The following ATXN1 variants were observed in gnomAD, a reference collection of about 807,000 sequenced individuals.
ATXN1 encodes ataxin-1.
Under a neutral mutation model 56.4 loss-of-function variants are expected in ATXN1, and 8 were observed. The ratio of observed to expected loss-of-function variants is 0.14; its 90% CI spans 0.08 to 0.26. The LOEUF (loss-of-function observed/expected upper bound fraction) is 0.26, where lower values mean the gene tolerates loss of function less well. Ranked by LOEUF, ATXN1 falls within the 10% of genes least tolerant of loss-of-function variation. The pLI is 1.00. For missense variants in ATXN1, 987 were observed against 1,106.5 expected (o/e 0.89, Z 1.53); for synonymous variants, 514 against 494.6 (o/e 1.04, Z -0.52).
intron 6 of ATXN1, among the ~76,000 whole-genome samples, chr6:16,426,694 A>T (rs1030425782): frequency 5.9e-5 from 9 of 151,930 alleles, no homozygotes; most frequent in Admixed American, 5.9e-4. Flanking sequence ...AAACTCCAGG[A>T]CACTTTAACC....
chr6:16,591,554 CTCAT>C (rs1762723669), intron 3 of ATXN1, among the ~76,000 whole-genome samples: 1 of 152,084 alleles, frequency 6.6e-6, no homozygotes, highest in Admixed American at 6.5e-5. Context: ...CAGGGATGTC[CTCAT>C]TCATTCAAGC....
At chr6:16,701,945 AG>A (rs1759294452) in intron 2 of ATXN1, among the ~76,000 whole-genome samples, 3 of 152,312 alleles carry the variant, frequency 2.0e-5, no homozygotes, top group Admixed American at 2.0e-4. Context: ...ATCCCCATCA[AG>A]CTACCAATGA....
At chr6:16,418,945 G>A (rs755616845) in intron 6 of ATXN1, among the ~76,000 whole-genome samples, 2 of 152,016 alleles carry the variant, frequency 1.3e-5, no homozygotes, top group South Asian at 2.1e-4. Context: ...TTCAGGCCTC[G>A]ATATGCCCAC....
intron 7 of ATXN1, among the ~76,000 whole-genome samples, chr6:16,313,531 G>A (rs1410765942): frequency 1.3e-5 from 2 of 151,910 alleles, no homozygotes; most frequent in Admixed American, 6.6e-5. Context: ...TTTGAGATGC[G>A]TACTAAAACA....
Position 16,312,616 on chromosome 6 carries a change from C to T in ATXN1, c.1918-5757G>A, listed in dbSNP as rs368365398. On this transcript the variant is annotated intron_variant, in intron 7 of 7. Transcript: ENST00000436367. Reference sequence around the variant, plus strand: ...CTGTAATCCCAGCACTTTGGGAGGCCGAGGCGGGCGGATCACCTGAGGTCA... The same window carrying T: ...CTGTAATCCCAGCACTTTGGGAGGCTGAGGCGGGCGGATCACCTGAGGTCA... 4.5e-4 allele frequency among the ~76,000 whole-genome samples: 68 copies of T among 152,212 alleles called. No individual in the cohort carries two copies. In the East Asian group the frequency reaches 8.9e-3, roughly 20 times the overall value.
At chr6:16,336,013 A>G (rs1273112903) in intron 6 of ATXN1, among the ~76,000 whole-genome samples, 8 of 152,244 alleles carry the variant, frequency 5.3e-5, no homozygotes, top group Non-Finnish European at 1.0e-4. Context: ...TGTTTTGGTA[A>G]TTTATTATGG....
rs1398570879 is a variant in ATXN1 at position 16,713,723 on chromosome 6, G to C, written c.-615+39510C>G. 2.0e-5 allele frequency among the ~76,000 whole-genome samples: 3 copies of C among 152,206 alleles called. No individual in the cohort carries two copies. In the East Asian group the frequency reaches 5.8e-4, roughly 29 times the overall value. ...CAGCATCAGTTTCACGGAGGGATTT[G>C]TCAGAAATACATATTCTCAGGCTCC... On this transcript the variant is annotated intron_variant, in intron 2 of 7. Coordinates refer to ENST00000436367, the MANE Select transcript of ATXN1 (RefSeq NM_001128164.2).
Position 16,328,009 on chromosome 6 carries a change from G to A in ATXN1, c.302C>T (p.Thr101Met), listed in dbSNP as rs144411643. 203 of 1,613,666 alleles carry A rather than the reference G, an allele frequency of 1.3e-4. No homozygotes were observed. In the African/African-American group the frequency reaches 1.8e-3, roughly 14 times the overall value. Reference protein sequence around the residue: ...SAPRSVPVATTLPAAYATPQP... With the variant: ...SAPRSVPVATMLPAAYATPQP... ...CGGGGTGGCGTACGCGGCAGGCAGC[G>A]TGGTGGCCACGGGGACAGACCTGGG... Residue 101 changes from threonine to methionine, a missense_variant, in exon 7 of 8, where the codon ACG (threonine) becomes ATG (methionine). Around this residue, in one of 3 missense-constraint regions of ATXN1, gnomAD observed 723 missense variants for 791.7 expected, o/e 0.91. Coordinates refer to ENST00000436367, the MANE Select transcript of ATXN1 (RefSeq NM_001128164.2). This position sits in a 1 kb window ranked among gnomAD's most constrained non-coding sequence, Gnocchi z 6.2.
intron 2 of ATXN1, among the ~76,000 whole-genome samples, chr6:16,663,020 T>C (rs1345718167): frequency 1.3e-5 from 2 of 149,260 alleles, no homozygotes; most frequent in East Asian, 4.0e-4. Context: ...TTGCCCAGGC[T>C]GTAGTGCAAT....
chr6:16,456,390 C>G (rs1372560998), intron 6 of ATXN1, among the ~76,000 whole-genome samples: 3 of 152,122 alleles, frequency 2.0e-5, no homozygotes, highest in African/African-American at 7.2e-5. Context: ...CTAGCATGGC[C>G]ACAGGACTAA....
intron 6 of ATXN1, among the ~76,000 whole-genome samples, chr6:16,345,698 A>G (rs530683135): frequency 6.6e-6 from 1 of 152,274 alleles, no homozygotes; most frequent in African/African-American, 2.4e-5. Flanking sequence ...AGTGTAGTGG[A>G]GCCCAAGATG....
Position 16,650,512 on chromosome 6 carries a change from G to C in ATXN1, c.-489+7264C>G, listed in dbSNP as rs150477501. ...CTTCTAGCCTTTGTGGATAGGCATA[G>C]ATTTTTGTCACTGCTTTGTAATCAA... On this transcript the variant is annotated intron_variant, in intron 3 of 7. Transcript: ENST00000436367. Among the ~76,000 whole-genome samples the C allele has an allele frequency of 6.6e-4, 100 of 152,290 alleles. 1 individual carries two copies. Among genetic ancestry groups the C allele is most frequent in the Middle Eastern group, 6.8e-3 (2 of 294 alleles).
chr6:16,610,427 G>C (rs1763083247), intron 3 of ATXN1, among the ~76,000 whole-genome samples: 1 of 151,836 alleles, frequency 6.6e-6, no homozygotes. Context: ...ATTCAGTGAG[G>C]AGGAAAAGAA....
In ATXN1 at chr6:16,328,170, C is replaced by A. The variant is rs543149667; in HGVS notation, c.141G>T (p.Pro47=). ...CGTGGCCCCGGCCACCAGGGTTGCCCGGGAGCCATGCTGTGCCCTCCACCC... is the reference window on the plus strand; with the variant it reads ...CGTGGCCCCGGCCACCAGGGTTGCCAGGGAGCCATGCTGTGCCCTCCACCC... ...NHRVEGTAWL[P]GNPGGRGHGG... The change falls in exon 7 of 8, where the codon CCG becomes CCT. Residue 47 remains proline (P), a synonymous_variant. Transcript: ENST00000436367. The surrounding 1 kb of genome is among the most constrained non-coding windows in gnomAD (Gnocchi z 6.2). 5 of 1,593,570 alleles carry A rather than the reference C, an allele frequency of 3.1e-6. No homozygotes were observed. The South Asian group carries it at 5.6e-5, about 18-fold the overall frequency.
chr6:16,305,611 G>A lies in ATXN1; in HGVS notation c.*718C>T, dbSNP rs1269556359. 1.3e-5 allele frequency: 2 copies of A among 152,218 alleles called. No individual in the cohort carries two copies. Among genetic ancestry groups the A allele is most frequent in the Non-Finnish European group, 2.9e-5 (2 of 67,982 alleles). 9.4% of individuals were successfully genotyped at this position (152,218 alleles called of 1,614,324 possible). On this transcript the variant is annotated 3_prime_UTR_variant, in exon 8 of 8. Transcript: ENST00000436367. ...TAGTAAAAAGCAGAAATGAAATCCCGCATGTGGCAGTTGCTCTTTAAAAAA... is the reference window on the plus strand; with the variant it reads ...TAGTAAAAAGCAGAAATGAAATCCCACATGTGGCAGTTGCTCTTTAAAAAA...
chr6:16,549,784 C>T (rs1158854430), intron 4 of ATXN1, among the ~76,000 whole-genome samples: 2 of 150,922 alleles, frequency 1.3e-5, no homozygotes, highest in African/African-American at 4.9e-5. Context: ...GTAATCCCAG[C>T]TACTCAGGAG....
At chr6:16,366,792 A>G (rs1319563478) in intron 6 of ATXN1, among the ~76,000 whole-genome samples, 3 of 151,866 alleles carry the variant, frequency 2.0e-5, no homozygotes, top group South Asian at 4.2e-4. Context: ...AAAAAAAAAA[A>G]AAAGAAAAAG....
intron 3 of ATXN1, among the ~76,000 whole-genome samples, chr6:16,645,939 G>A (rs956764034): frequency 1.3e-5 from 2 of 152,148 alleles, no homozygotes; most frequent in Non-Finnish European, 2.9e-5. Flanking sequence ...TATCTCCAAG[G>A]CTATGTGTGG....
chr6:16,323,525 C>CAAAAA lies in ATXN1; in HGVS notation c.1917+2864_1917+2868dup, dbSNP rs35308265. On this transcript the variant is annotated intron_variant, in intron 7 of 7. Coordinates refer to ENST00000436367, the MANE Select transcript of ATXN1 (RefSeq NM_001128164.2). ...GGGTGACAGAGCAAGACTCTGTCTC[C>CAAAAA]AAAAAAAAAAAAAAAAAAAAAAAAA... 3.9e-4 allele frequency among the ~76,000 whole-genome samples: 19 copies of CAAAAA among 48,840 alleles called. 1 individual carries two copies. Among genetic ancestry groups the CAAAAA allele is most frequent in the South Asian group, 1.1e-3 (1 of 932 alleles). 32.0% of individuals were successfully genotyped at this position (48,840 alleles called of 152,430 possible).
Sources: allele counts gnomAD v4.1 joint callset (sites outside exome capture counted in the v4.1 genomes callset), GRCh38; gene constraint gnomAD v4.1.1; regional missense constraint gnomAD v4.1.1; non-coding constraint Gnocchi (gnomAD v3.1); transcripts MANE v1.5; gene names NCBI Gene and HGNC (gene_info 2026-07-23, HGNC 2026-07-21).